CLIC4: variants seen among roughly 807,000 people sequenced by gnomAD.
CLIC4 encodes the protein CLIC family member 4.
CLIC4 carries 13 observed loss-of-function variants against 24.6 expected under a neutral mutation model. That is an observed-to-expected ratio of 0.53 (90% CI 0.34 to 0.84). The LOEUF is 0.84. Ranked by LOEUF, CLIC4 falls within the 40% of genes least tolerant of loss-of-function variation. CLIC4 has a pLI of 0.01. For synonymous variants in CLIC4, 104 were observed against 111.3 expected, an observed-to-expected ratio of 0.93 and a Z score of 0.41; for missense variants, 227 against 301.7, an observed-to-expected ratio of 0.75 and a Z score of 1.83.
intron 1 of CLIC4, among the ~76,000 whole-genome samples, chr1:24,779,069 A>G (rs1224748233): frequency 6.6e-6 from 1 of 152,220 alleles, no homozygotes; most frequent in East Asian, 1.9e-4. Context: ...GACAGTAATG[A>G]GATTATCATG....
intron 3 of CLIC4, among the ~76,000 whole-genome samples, chr1:24,824,073 T>C (rs946379106): frequency 9.2e-5 from 14 of 152,236 alleles, no homozygotes; most frequent in Non-Finnish European, 1.8e-4. Context: ...AACCATTGCT[T>C]GATCAAGCTA....
chr1:24,792,732 T>A lies in CLIC4; in HGVS notation c.73-5010T>A, dbSNP rs921439600. On this transcript the variant is annotated intron_variant, in intron 1 of 5. Coordinates refer to ENST00000374379, the MANE Select transcript of CLIC4 (RefSeq NM_013943.3). ...AAGTGCTTATTAGGCGTATGAGATG[T>A]GTAACGAGCTTCTGATATACCTGAA... is the stretch of plus-strand genomic sequence containing the variant. Among the ~76,000 whole-genome samples, 9 of 152,228 alleles carry A rather than the reference T, an allele frequency of 5.9e-5. No homozygotes were observed. The South Asian group carries it at 1.7e-3, about 28-fold the overall frequency.
chr1:24,841,102 C>T lies in CLIC4; in HGVS notation c.*165C>T. ...GGTATAGTAGTTATCTTAAAATATA[C>T]ACTCCTAAGCAGTATTATTTTAAAA... On this transcript the variant is annotated 3_prime_UTR_variant, in exon 6 of 6. Coordinates refer to ENST00000374379, the MANE Select transcript of CLIC4 (RefSeq NM_013943.3). The T allele has an allele frequency of 2.2e-6, 1 of 444,776 alleles. No homozygotes were observed. Among genetic ancestry groups the T allele is most frequent in the Non-Finnish European group, 3.8e-6 (1 of 261,026 alleles). 27.6% of individuals were successfully genotyped at this position (444,776 alleles called of 1,614,324 possible).
Position 24,799,583 on chromosome 1 carries a change from C to T in CLIC4, c.182+1732C>T, listed in dbSNP as rs865979843. On this transcript the variant is annotated intron_variant, in intron 2 of 5. Coordinates refer to ENST00000374379, the MANE Select transcript of CLIC4 (RefSeq NM_013943.3). ...AGCGTCTCCGCCCGGCCAGCCGCCCCGTCGGGGAGGGAGGTGGGGGGGTCA... is the reference window on the plus strand; with the variant it reads ...AGCGTCTCCGCCCGGCCAGCCGCCCTGTCGGGGAGGGAGGTGGGGGGGTCA... Among the ~76,000 whole-genome samples the T allele has an allele frequency of 6.9e-4, 104 of 149,808 alleles. 1 individual carries two copies. In the Middle Eastern group the frequency reaches 0.014, roughly 20 times the overall value.
intron 3 of CLIC4, among the ~76,000 whole-genome samples, chr1:24,815,606 C>T (rs4428828): frequency 0.99 from 150,533 of 152,346 alleles, 74,393 homozygotes; most frequent in East Asian, 1. Context: ...GGCTACTGAC[C>T]GATCAGAATG....
intron 1 of CLIC4, among the ~76,000 whole-genome samples, chr1:24,778,715 C>T (rs1639170984): frequency 6.6e-6 from 1 of 152,152 alleles, no homozygotes; most frequent in Non-Finnish European, 1.5e-5. Context: ...ACTTGTTCCT[C>T]CTTTTAGGCT....
chr1:24,755,139 T>A (rs906638783), intron 1 of CLIC4, among the ~76,000 whole-genome samples: 13 of 151,954 alleles, frequency 8.6e-5, no homozygotes, highest in African/African-American at 3.1e-4. Context: ...ACTAAATTTT[T>A]GTATTTTTAG....
chr1:24,813,363 A>G (rs998135579), intron 2 of CLIC4, among the ~76,000 whole-genome samples: 20 of 151,138 alleles, frequency 1.3e-4, no homozygotes. Context: ...TTTCTTATTC[A>G]GTTTTATATA....
At chr1:24,790,171 A>G (rs1267888766) in intron 1 of CLIC4, among the ~76,000 whole-genome samples, 1 of 152,226 alleles carries the variant, frequency 6.6e-6, no homozygotes, top group Non-Finnish European at 1.5e-5. Flanking sequence ...TGCCAGGTTC[A>G]AGCAATTCTC....
chr1:24,781,102 A>G (rs537807278), intron 1 of CLIC4, among the ~76,000 whole-genome samples: 35 of 150,280 alleles, frequency 2.3e-4, no homozygotes, highest in Admixed American at 6.7e-4. Flanking sequence ...AAAAAAAAAA[A>G]AAAGAAAGAA....
At chr1:24,783,652 G>A (rs1037295632) in intron 1 of CLIC4, among the ~76,000 whole-genome samples, 2 of 152,122 alleles carry the variant, frequency 1.3e-5, no homozygotes, top group Non-Finnish European at 1.5e-5. Context: ...GCAGTGAGTT[G>A]AGATTGTGCC....
At position 24,785,339 on chromosome 1, in the gene CLIC4, T is replaced by C. The variant is rs574941235; in HGVS notation, c.73-12403T>C. Reference sequence around the variant, plus strand: ...AGGAACTGTGTGTATCCTAACTTATTTGATCCCCACAATAACATGGTACAT... The same window carrying C: ...AGGAACTGTGTGTATCCTAACTTATCTGATCCCCACAATAACATGGTACAT... On this transcript the variant is annotated intron_variant, in intron 1 of 5. Coordinates refer to ENST00000374379, the MANE Select transcript of CLIC4 (RefSeq NM_013943.3). 5.3e-5 allele frequency among the ~76,000 whole-genome samples: 8 copies of C among 152,320 alleles called. No homozygotes were observed. In the East Asian group the frequency reaches 9.6e-4, roughly 18 times the overall value.
chr1:24,807,547 G>A (rs1159078149), intron 2 of CLIC4, among the ~76,000 whole-genome samples: 3 of 152,026 alleles, frequency 2.0e-5, no homozygotes, highest in Non-Finnish European at 4.4e-5. Context: ...ATTCTGATTG[G>A]CTAATTTAAA....
intron 1 of CLIC4, among the ~76,000 whole-genome samples, chr1:24,746,374 T>C (rs1462755153): frequency 6.6e-6 from 1 of 152,194 alleles, no homozygotes; most frequent in African/African-American, 2.4e-5. Flanking sequence ...AGGGAGAGAA[T>C]TCTTAACTTG....
At position 24,767,779 on chromosome 1, in the gene CLIC4, A is replaced by G. The variant is rs916977992; in HGVS notation, c.72+22154A>G. Among the ~76,000 whole-genome samples, 11 of 151,934 alleles carry G rather than the reference A, an allele frequency of 7.2e-5. No individual in the cohort carries two copies. The South Asian group carries it at 2.3e-3, about 32-fold the overall frequency. ...GTGCAAAAGTAAAGAGGAATAATCTATGACATAGGATCTTATTGGTTCTGT... is the reference window on the plus strand; with the variant it reads ...GTGCAAAAGTAAAGAGGAATAATCTGTGACATAGGATCTTATTGGTTCTGT... On this transcript the variant is annotated intron_variant, in intron 1 of 5. Coordinates refer to ENST00000374379, the MANE Select transcript of CLIC4 (RefSeq NM_013943.3).
intron 3 of CLIC4, among the ~76,000 whole-genome samples, chr1:24,822,341 C>CTTTTTTTTTTTTTTTTTT (rs71032865): frequency 1.3e-5 from 1 of 75,464 alleles, no homozygotes; most frequent in Non-Finnish European, 2.6e-5. Flanking sequence ...TCAGTGAATT[C>CTTTTTTTTTTTTTTTTTT]TTTTTTTTTT....
intron 2 of CLIC4, among the ~76,000 whole-genome samples, chr1:24,813,338 G>A (rs1000452426): frequency 5.9e-5 from 9 of 151,932 alleles, no homozygotes; most frequent in Middle Eastern, 3.4e-3. Context: ...CACCGTGCCC[G>A]GCTGAAAAAT....
chr1:24,781,087 CAAAA>C (rs1228000908), intron 1 of CLIC4, among the ~76,000 whole-genome samples: 2 of 61,954 alleles, frequency 3.2e-5, no homozygotes, highest in Non-Finnish European at 5.6e-5. Flanking sequence ...AACTCCATCT[CAAAA>C]AAAAAAAAAA....
Position 24,841,531 on chromosome 1 carries a change from T to G in CLIC4, c.*594T>G, listed in dbSNP as rs919206814. ...AAAGTCACTACAGATTTTGCTATAT[T>G]GCTTTGTAGATAGATTTTTACTTTT... On this transcript the variant is annotated 3_prime_UTR_variant, in exon 6 of 6. Coordinates refer to ENST00000374379, the MANE Select transcript of CLIC4 (RefSeq NM_013943.3). The G allele has an allele frequency of 6.6e-6, 1 of 152,216 alleles. No individual in the cohort carries two copies. The highest frequency in any genetic ancestry group is 2.4e-5 in the African/African-American group (1 of 41,452). 9.4% of individuals were successfully genotyped at this position (152,216 alleles called of 1,614,324 possible).
Sources: allele counts gnomAD v4.1 joint callset (sites outside exome capture counted in the v4.1 genomes callset), GRCh38; gene constraint gnomAD v4.1.1; transcripts MANE v1.5; gene names NCBI Gene and HGNC (gene_info 2026-07-23, HGNC 2026-07-21).